Variants in SEC61A2 observed in about 807,000 individuals in gnomAD.
SEC61A2 encodes the protein protein transport protein Sec61 subunit alpha isoform 2.
SEC61A2 carries 28 observed loss-of-function variants against 59.9 expected under a neutral mutation model. The ratio of observed to expected loss-of-function variants is 0.47; its 90% CI spans 0.35 to 0.64. The LOEUF (loss-of-function observed/expected upper bound fraction) is 0.64, where lower values mean the gene tolerates loss of function less well. Among genes scored for constraint, SEC61A2 ranks in the 30% least tolerant of loss-of-function variants. The pLI, the probability that SEC61A2 is intolerant of heterozygous loss-of-function variation, is 0.01. For missense variants in SEC61A2, 340 were observed against 585.9 expected, an observed-to-expected ratio of 0.58 and a Z score of 4.33; for synonymous variants, 202 against 214.4, an observed-to-expected ratio of 0.94 and a Z score of 0.50.
chr10:12,138,069 T>C (rs1833928595), intron 3 of SEC61A2, among the ~76,000 whole-genome samples: 1 of 152,124 alleles, frequency 6.6e-6, no homozygotes, highest in African/African-American at 2.4e-5. Context: ...CAAGGTTTTT[T>C]GGGGAGTTCG....
Position 12,164,120 on chromosome 10 carries a change from C to T in SEC61A2, c.1245-148C>T, listed in dbSNP as rs1039443250. 8 of 807,000 alleles carry T rather than the reference C, an allele frequency of 9.9e-6. No homozygotes were observed. Among genetic ancestry groups the T allele is most frequent in the African/African-American group, 1.8e-5 (1 of 56,226 alleles). 50.0% of individuals were successfully genotyped at this position (807,000 alleles called of 1,614,324 possible). A position where few individuals can be genotyped will look rare whatever the true frequency, so the allele number is the denominator to read the frequency against. On this transcript the variant is annotated intron_variant, in intron 11 of 11. Coordinates refer to ENST00000298428, the MANE Select transcript of SEC61A2 (RefSeq NM_018144.4). This position sits in a 1 kb window ranked among gnomAD's most constrained non-coding sequence, Gnocchi z 7.3. ...TCCTGTTCCCATGCCGTGCCCTGCACACCCCTCCACACTGCAGCCTGTTCC... is the reference window on the plus strand; with the variant it reads ...TCCTGTTCCCATGCCGTGCCCTGCATACCCCTCCACACTGCAGCCTGTTCC...
At position 12,143,952 on chromosome 10, in the gene SEC61A2, C is replaced by T. The variant is rs1314221958; in HGVS notation, c.220+757C>T. On this transcript the variant is annotated intron_variant, in intron 4 of 11. Transcript: ENST00000298428. The surrounding 1 kb of genome is among the most constrained non-coding windows in gnomAD (Gnocchi z 4.8). ...TTTCAGGCGATCCTCCCACTTCAGCCTCCTGAGTAGCTGGGACTACTGGTG... is the reference window on the plus strand; with the variant it reads ...TTTCAGGCGATCCTCCCACTTCAGCTTCCTGAGTAGCTGGGACTACTGGTG... Among the ~76,000 whole-genome samples the T allele has an allele frequency of 1.3e-5, 2 of 152,130 alleles. No individual in the cohort carries two copies. Among genetic ancestry groups the T allele is most frequent in the African/African-American group, 4.8e-5 (2 of 41,412 alleles).
chr10:12,165,225 G>A lies in SEC61A2; in HGVS notation c.*771G>A. 1 of 985,376 alleles carries A rather than the reference G, an allele frequency of 1.0e-6. No individual in the cohort carries two copies. The highest frequency in any genetic ancestry group is 1.1e-4 in the East Asian group (1 of 8,818). The allele number at this position is 985,376 out of a possible 1,614,324, so 61.0% of individuals were successfully genotyped here. ...TTTCTGTTTAAATCCCTAAAGCAAAGATCTAATTCTCAAGCAATGTCTGTA... is the reference window on the plus strand; with the variant it reads ...TTTCTGTTTAAATCCCTAAAGCAAAAATCTAATTCTCAAGCAATGTCTGTA... On this transcript the variant is annotated 3_prime_UTR_variant, in exon 12 of 12. Coordinates refer to ENST00000298428, the MANE Select transcript of SEC61A2 (RefSeq NM_018144.4).
chr10:12,133,408 T>C (rs1833809941), intron 2 of SEC61A2, 100 bp downstream of exon 2: 5 of 591,596 alleles, frequency 8.5e-6, no homozygotes, highest in African/African-American at 1.9e-5. Context: ...CTGTTGGTAA[T>C]TGGAAAACTA....
At chr10:12,139,644 C>T (rs554209564) in intron 3 of SEC61A2, among the ~76,000 whole-genome samples, 3 of 151,968 alleles carry the variant, frequency 2.0e-5, no homozygotes, top group African/African-American at 7.2e-5. Flanking sequence ...ATTAGGCGGG[C>T]GTGGTGGCGG....
intron 3 of SEC61A2, among the ~76,000 whole-genome samples, chr10:12,137,613 C>G (rs1355426949): frequency 6.6e-6 from 1 of 152,148 alleles, no homozygotes; most frequent in Non-Finnish European, 1.5e-5. Context: ...CCCAATGATA[C>G]TTTCAAATAA....
chr10:12,155,960 G>C lies in SEC61A2; in HGVS notation c.616+29G>C. On this transcript the variant is annotated intron_variant, in intron 7 of 11. Coordinates refer to ENST00000298428, the MANE Select transcript of SEC61A2 (RefSeq NM_018144.4). This position sits in a 1 kb window ranked among gnomAD's most constrained non-coding sequence, Gnocchi z 4.3. ...CATCGCACAGCGACTGCAACTGCAC[G>C]CGTTTTGCTGGATGTGTGCTGGGAA... 6.2e-7 allele frequency: 1 copy of C among 1,613,034 alleles called. No individual in the cohort carries two copies. Among genetic ancestry groups the C allele is most frequent in the Non-Finnish European group, 8.5e-7 (1 of 1,179,028 alleles).
At chr10:12,169,236 A>AT, downstream of SEC61A2, 8 of 1,516,538 alleles carry the variant, frequency 5.3e-6, no homozygotes, top group South Asian at 1.2e-5. This position sits in a 1 kb window ranked among gnomAD's most constrained non-coding sequence, Gnocchi z 4.8. Flanking sequence ...CACTTATTCT[A>AT]TTTTTTTCTC....
chr10:12,143,267 G>A lies in SEC61A2; in HGVS notation c.220+72G>A. The A allele has an allele frequency of 9.2e-7, 1 of 1,087,516 alleles. No individual in the cohort carries two copies. The highest frequency in any genetic ancestry group is 1.7e-5 in the Admixed American group (1 of 59,230). The allele number at this position is 1,087,516 out of a possible 1,614,324, so 67.4% of individuals were successfully genotyped here. The stretch of plus-strand genomic sequence containing the variant: ...ATGGAAACATGTGGATTAGCAATGA[G>A]TTTTCAATGTCTACAGGGAGGGGGA... On this transcript the variant is annotated intron_variant, in intron 4 of 11. Transcript: ENST00000298428. This position sits in a 1 kb window ranked among gnomAD's most constrained non-coding sequence, Gnocchi z 4.8.
chr10:12,157,789 C>T lies in SEC61A2; in HGVS notation c.778-119C>T, dbSNP rs535858840. On this transcript the variant is annotated intron_variant, in intron 8 of 11. Coordinates refer to ENST00000298428, the MANE Select transcript of SEC61A2 (RefSeq NM_018144.4). Reference sequence around the variant, plus strand: ...GTGTTGGGATTACAGGCCTGAGCCCCTGTGCCCGGCCGGCATTGTCTTTTC... The same window carrying T: ...GTGTTGGGATTACAGGCCTGAGCCCTTGTGCCCGGCCGGCATTGTCTTTTC... 3.6e-4 allele frequency: 333 copies of T among 916,080 alleles called. 1 individual carries two copies. In the African/African-American group the frequency reaches 5.1e-3, roughly 14 times the overall value. The allele number at this position is 916,080 out of a possible 1,614,324, so 56.7% of individuals were successfully genotyped here. A position where few individuals can be genotyped will look rare whatever the true frequency, so the allele number is the denominator to read the frequency against.
chr10:12,138,742 C>G (rs930512668), intron 3 of SEC61A2, among the ~76,000 whole-genome samples: 12 of 152,170 alleles, frequency 7.9e-5, no homozygotes, highest in Non-Finnish European at 1.8e-4. Flanking sequence ...TTGAAGTTAT[C>G]ACAGTTTATT....
rs1227246526 is a variant in SEC61A2, at chr10:12,164,485, A to G, written c.*31A>G. 1 of 1,602,346 alleles carries G rather than the reference A, an allele frequency of 6.2e-7. No homozygotes were observed. Among genetic ancestry groups the G allele is most frequent in the East Asian group, 2.2e-5 (1 of 44,616 alleles). ...CAAATATTTCATTTTGTGCGTGTGA[A>G]AGGGAAAACACTTTGACGGATCGTT... On this transcript the variant is annotated 3_prime_UTR_variant, in exon 12 of 12. Transcript: ENST00000298428. The surrounding 1 kb of genome is among the most constrained non-coding windows in gnomAD (Gnocchi z 7.3).
rs1564409519 is a variant in SEC61A2 at position 12,142,579 on chromosome 10, T to TA, written c.142-536dup. 1.1e-6 allele frequency: 1 copy of TA among 883,590 alleles called. No homozygotes were observed. Among genetic ancestry groups the TA allele is most frequent in the Non-Finnish European group, 1.4e-6 (1 of 737,172 alleles). The allele number at this position is 883,590 out of a possible 1,614,324, so 54.7% of individuals were successfully genotyped here. A position where few individuals can be genotyped will look rare whatever the true frequency, so the allele number is the denominator to read the frequency against. ...ACGACCAGGCAGGTATAATATTCCA[T>TA]AATCTACTGGTGGGAGTGTTTTTTA... On this transcript the variant is annotated intron_variant, in intron 3 of 11. Transcript: ENST00000298428. The surrounding 1 kb of genome is among the most constrained non-coding windows in gnomAD (Gnocchi z 5.4).
In SEC61A2 at chr10:12,155,453, T is replaced by C. The variant is rs1834374880; in HGVS notation, c.463-325T>C. 3 of 1,078,366 alleles carry C rather than the reference T, an allele frequency of 2.8e-6. No individual in the cohort carries two copies. Among genetic ancestry groups the C allele is most frequent in the Non-Finnish European group, 3.9e-6 (3 of 766,762 alleles). The allele number at this position is 1,078,366 out of a possible 1,614,324, so 66.8% of individuals were successfully genotyped here. On this transcript the variant is annotated intron_variant, in intron 6 of 11. Coordinates refer to ENST00000298428, the MANE Select transcript of SEC61A2 (RefSeq NM_018144.4). The surrounding 1 kb of genome is among the most constrained non-coding windows in gnomAD (Gnocchi z 4.3). ...CTTGCTGTCATAAATTCTAGAATAC[T>C]GTGATCATTTTTTGTTTCAGTGTGC...
chr10:12,163,563 C>G (rs1259762711), intron 11 of SEC61A2, among the ~76,000 whole-genome samples: 1 of 151,998 alleles, frequency 6.6e-6, no homozygotes, highest in African/African-American at 2.4e-5. Context: ...ATCTAATCAT[C>G]CACCCGCCTT....
chr10:12,169,477 C>A, downstream of SEC61A2: 1 of 582,184 alleles, frequency 1.7e-6, no homozygotes. This position sits in a 1 kb window ranked among gnomAD's most constrained non-coding sequence, Gnocchi z 4.8. Flanking sequence ...AATTATGGTC[C>A]GCGGAGCCTC....
rs541359776 is a variant in SEC61A2 at position 12,149,507 on chromosome 10, G to A, written c.221-88G>A. On this transcript the variant is annotated intron_variant, in intron 4 of 11. Transcript: ENST00000298428. This position sits in a 1 kb window ranked among gnomAD's most constrained non-coding sequence, Gnocchi z 5.2. ...TGTTAAAATTTTCACGTGTGTTTCAGTTGAGGTAATTAGGGAGTGCGACAC... is the reference window on the plus strand; with the variant it reads ...TGTTAAAATTTTCACGTGTGTTTCAATTGAGGTAATTAGGGAGTGCGACAC... 6 of 1,296,582 alleles carry A rather than the reference G, an allele frequency of 4.6e-6. No homozygotes were observed. Among genetic ancestry groups the A allele is most frequent in the Non-Finnish European group, 6.3e-6 (6 of 946,058 alleles). The allele number at this position is 1,296,582 out of a possible 1,614,324, so 80.3% of individuals were successfully genotyped here. A position where few individuals can be genotyped will look rare whatever the true frequency, so the allele number is the denominator to read the frequency against.
intron 6 of SEC61A2, among the ~76,000 whole-genome samples, chr10:12,151,061 C>G (rs893731412): frequency 6.6e-6 from 1 of 151,396 alleles, no homozygotes; most frequent in Admixed American, 6.6e-5. Flanking sequence ...AGGCGTGAGC[C>G]ACTGCGCCCG....
chr10:12,134,749 C>T (rs1198891145), intron 2 of SEC61A2, among the ~76,000 whole-genome samples: 1 of 151,818 alleles, frequency 6.6e-6, no homozygotes, highest in Non-Finnish European at 1.5e-5. Flanking sequence ...AGCCCCGACT[C>T]TACTAAAAAT....
Sources: allele counts gnomAD v4.1 joint callset (sites outside exome capture counted in the v4.1 genomes callset), GRCh38; gene constraint gnomAD v4.1.1; non-coding constraint Gnocchi (gnomAD v3.1); transcripts MANE v1.5; gene names NCBI Gene and HGNC (gene_info 2026-07-23, HGNC 2026-07-21).